The following CADM2 variants were observed in gnomAD, a reference collection of about 807,000 sequenced individuals.
The protein encoded by CADM2 is cell adhesion molecule 2, also known as immunoglobulin superfamily member 4D.
A neutral mutation model predicts 49.8 loss-of-function variants in CADM2; 12 were observed. The ratio of observed to expected loss-of-function variants is 0.24; its 90% CI spans 0.15 to 0.39. The LOEUF is 0.39. CADM2 is among the 10% of genes least tolerant of loss of function. The pLI is 1.00. For synonymous variants in CADM2, 214 were observed against 175.4 expected, an observed-to-expected ratio of 1.22 and a Z score of -1.74; for missense variants, 378 against 492.3, an observed-to-expected ratio of 0.77 and a Z score of 2.20.
intron 1 of CADM2, among the ~76,000 whole-genome samples, chr3:85,086,071 C>T (rs985253231): frequency 1.3e-5 from 2 of 152,068 alleles, no homozygotes; most frequent in African/African-American, 4.8e-5. Flanking sequence ...CTTAAGAAGG[C>T]TCTGCTGTCT....
chr3:85,859,923 A>T (rs949200710), intron 3 of CADM2, among the ~76,000 whole-genome samples: 3 of 152,108 alleles, frequency 2.0e-5, no homozygotes, highest in Non-Finnish European at 2.9e-5. Context: ...CCATAAGTGG[A>T]TTTTTCATCA....
At chr3:85,854,165 T>C (rs2075216051) in intron 3 of CADM2, among the ~76,000 whole-genome samples, 1 of 152,172 alleles carries the variant, frequency 6.6e-6, no homozygotes, top group Non-Finnish European at 1.5e-5. Context: ...GGCCATTCAG[T>C]AAGTAGATAG....
Position 85,973,820 on chromosome 3 carries a change from T to G in CADM2, c.970+12173T>G, listed in dbSNP as rs190287230. Among the ~76,000 whole-genome samples, 19 of 151,740 alleles carry G rather than the reference T, an allele frequency of 1.3e-4. No homozygotes were observed. In the East Asian group the frequency reaches 3.7e-3, roughly 30 times the overall value. On this transcript the variant is annotated intron_variant, in intron 8 of 9. Coordinates refer to ENST00000383699, the MANE Select transcript of CADM2 (RefSeq NM_001167675.2). ...TGGAAGCATTATTGGTCATGGGGAT[T>G]TGGGTGGGACAAAGTGAAGGAAGCA...
chr3:85,038,935 A>AG (rs1326981349), intron 1 of CADM2, among the ~76,000 whole-genome samples: 1 of 152,194 alleles, frequency 6.6e-6, no homozygotes, highest in Non-Finnish European at 1.5e-5. Flanking sequence ...TACTGAATGG[A>AG]GGAGTTTGTA....
chr3:85,627,569 A>G (rs1335922336), intron 1 of CADM2, among the ~76,000 whole-genome samples: 2 of 152,090 alleles, frequency 1.3e-5, no homozygotes, highest in Non-Finnish European at 2.9e-5. Flanking sequence ...AGAGACTAAG[A>G]AATGACCAAC....
intron 1 of CADM2, among the ~76,000 whole-genome samples, chr3:85,590,891 T>A (rs1189294797): frequency 6.6e-6 from 1 of 151,320 alleles, no homozygotes; most frequent in African/African-American, 2.4e-5. Context: ...TCAATATTTT[T>A]AAAAATGAAT....
At chr3:85,617,030 G>T (rs777828736) in intron 1 of CADM2, among the ~76,000 whole-genome samples, 37 of 152,120 alleles carry the variant, frequency 2.4e-4, no homozygotes, top group South Asian at 6.2e-4. Flanking sequence ...CAACACAGAA[G>T]ATTTCTGTGA....
intron 1 of CADM2, among the ~76,000 whole-genome samples, chr3:85,703,386 T>C (rs2066843675): frequency 6.6e-6 from 1 of 152,116 alleles, no homozygotes; most frequent in Admixed American, 6.6e-5. Context: ...TGCATAGAGA[T>C]AAAGTCTTAT....
chr3:85,525,210 A>G (rs2106920113), intron 1 of CADM2, among the ~76,000 whole-genome samples: 1 of 152,358 alleles, frequency 6.6e-6, no homozygotes, highest in East Asian at 1.9e-4. Context: ...TTTTAGATTT[A>G]CAGAAAAAAT....
intron 1 of CADM2, among the ~76,000 whole-genome samples, chr3:85,111,431 C>T (rs2038453780): frequency 6.6e-6 from 1 of 151,854 alleles, no homozygotes; most frequent in African/African-American, 2.4e-5. Context: ...TCTATGTTTA[C>T]ATGAGAGCTT....
intron 8 of CADM2, among the ~76,000 whole-genome samples, chr3:86,008,350 T>A (rs1731055696): frequency 6.6e-6 from 1 of 152,138 alleles, no homozygotes; most frequent in Admixed American, 6.6e-5. Context: ...TTAGGTCATC[T>A]ATATAGCACA....
chr3:85,067,487 G>A (rs1439461902), intron 1 of CADM2, among the ~76,000 whole-genome samples: 3 of 152,108 alleles, frequency 2.0e-5, no homozygotes, highest in African/African-American at 7.2e-5. Context: ...TGAACAACAT[G>A]TTAAGAAAGG....
chr3:85,146,684 A>C (rs1173779672), intron 1 of CADM2, among the ~76,000 whole-genome samples: 6 of 152,190 alleles, frequency 3.9e-5, no homozygotes, highest in Non-Finnish European at 8.8e-5. Context: ...TAAGTTTCCA[A>C]ATATCACTTT....
chr3:85,957,615 G>A (rs978602426), intron 7 of CADM2, among the ~76,000 whole-genome samples: 1 of 151,634 alleles, frequency 6.6e-6, no homozygotes, highest in Non-Finnish European at 1.5e-5. Context: ...TCATGTATAC[G>A]TCAGACTGCA....
At chr3:85,138,915 T>C (rs144092593) in intron 1 of CADM2, among the ~76,000 whole-genome samples, 1 of 152,198 alleles carries the variant, frequency 6.6e-6, no homozygotes, top group African/African-American at 2.4e-5. Flanking sequence ...CTAGGTGTGA[T>C]TTCCTTAATC....
chr3:85,717,629 A>T (rs534126253), intron 1 of CADM2, among the ~76,000 whole-genome samples: 4 of 152,270 alleles, frequency 2.6e-5, no homozygotes, highest in African/African-American at 7.2e-5. Flanking sequence ...GCTGTGGGTC[A>T]TAAATAGTTC....
chr3:85,153,470 T>C (rs964900271), intron 1 of CADM2, among the ~76,000 whole-genome samples: 1 of 152,142 alleles, frequency 6.6e-6, no homozygotes, highest in Non-Finnish European at 1.5e-5. Flanking sequence ...TAGCACAGCA[T>C]TCTGAGATCA....
chr3:85,292,688 T>G (rs1388136439), intron 1 of CADM2, among the ~76,000 whole-genome samples: 1 of 151,838 alleles, frequency 6.6e-6, no homozygotes, highest in Non-Finnish European at 1.5e-5. Context: ...CCTGAATGAC[T>G]ACTGGGTACA....
At chr3:84,972,424 G>A in intron 1 of CADM2, among the ~76,000 whole-genome samples, 1 of 152,238 alleles carries the variant, frequency 6.6e-6, no homozygotes, top group East Asian at 1.9e-4. Context: ...TTTTTATTGT[G>A]ATATATGTGC....
Sources: gnomAD v4.1 joint callset for allele counts (sites outside exome capture counted in the v4.1 genomes callset) on GRCh38, gnomAD v4.1.1 for gene constraint, MANE v1.5 for transcripts, NCBI Gene and HGNC (gene_info 2026-07-23, HGNC 2026-07-21) for gene names.